The following TNS1 variants were observed in gnomAD, a reference collection of about 807,000 sequenced individuals.
TNS1 encodes the protein tensin 1.
TNS1 carries 62 observed loss-of-function variants against 168.6 expected under a neutral mutation model. That is an observed-to-expected ratio of 0.37 (90% CI 0.30 to 0.45). The LOEUF is 0.45. Among genes scored for constraint, TNS1 ranks in the 20% least tolerant of loss-of-function variants. The pLI is 1.00. For missense variants in TNS1, 2,240 were observed against 2,339.4 expected (o/e 0.96, Z 0.88); for synonymous variants, 934 against 933.2 (o/e 1.00, Z -0.02).
chr2:217,966,268 CGTGTGTGTGTGTGTGT>C (rs3838555), intron 3 of TNS1, among the ~76,000 whole-genome samples: 23 of 140,844 alleles, frequency 1.6e-4, no homozygotes, highest in African/African-American at 5.8e-4. Context: ...GAGCAGGCTG[CGTGTGTGTGTGTGTGT>C]GTGTGTGTGT....
chr2:217,887,261 G>C (rs1485765284), intron 12 of TNS1, among the ~76,000 whole-genome samples: 1 of 152,290 alleles, frequency 6.6e-6, no homozygotes, highest in Admixed American at 6.5e-5. Context: ...GAGGTAACTA[G>C]CTTCTAATAA....
chr2:218,030,437 G>C (rs1222208710), intron 1 of TNS1, among the ~76,000 whole-genome samples: 1 of 152,206 alleles, frequency 6.6e-6, no homozygotes. Context: ...TTTGCAGTCT[G>C]TTCCATCTCT....
At chr2:218,022,654 G>A (rs1049150518) in intron 1 of TNS1, among the ~76,000 whole-genome samples, 1 of 151,956 alleles carries the variant, frequency 6.6e-6, no homozygotes, top group Admixed American at 6.6e-5. Context: ...GAGATAAATG[G>A]GGGGAGGGGC....
chr2:217,879,112 G>C (rs1026815720), intron 18 of TNS1, among the ~76,000 whole-genome samples: 1 of 152,178 alleles, frequency 6.6e-6, no homozygotes, highest in Admixed American at 6.5e-5. Flanking sequence ...CACTCTGACC[G>C]TCTGCTCTTC....
chr2:217,922,342 T>C (rs148455385), intron 3 of TNS1, among the ~76,000 whole-genome samples: 2,022 of 152,022 alleles, frequency 0.013, 54 homozygotes, highest in African/African-American at 0.046. Flanking sequence ...CAGGGTGCCT[T>C]CTCCCAACCC....
Position 217,848,925 on chromosome 2 carries a change from G to C in TNS1, c.1592C>G (p.Ser531Trp), listed in dbSNP as rs759438688. ...VEHTLSVSSD[S>W]GNSTASTKTD... Reference sequence around the variant, plus strand: ...CTTGGTGGAGGCTGTGGAGTTGCCCGAGTCGCTGCTCACAGAAAGCGTGTG... The same window carrying C: ...CTTGGTGGAGGCTGTGGAGTTGCCCCAGTCGCTGCTCACAGAAAGCGTGTG... Residue 531 changes from serine to tryptophan, a missense_variant, in exon 19 of 33, where the codon TCG (serine) becomes TGG (tryptophan). This residue lies in a region of TNS1 where 2,131 missense variants were observed against 2,171.2 expected (regional missense o/e 0.98). Coordinates refer to ENST00000682258, the MANE Select transcript of TNS1 (RefSeq NM_001387777.1). 6.2e-7 allele frequency: 1 copy of C among 1,614,048 alleles called. No individual in the cohort carries two copies. Among genetic ancestry groups the C allele is most frequent in the Admixed American group, 1.7e-5 (1 of 59,996 alleles).
At chr2:218,011,693 C>T (rs1010951575), upstream of TNS1, among the ~76,000 whole-genome samples, 1 of 146,330 alleles carries the variant, frequency 6.8e-6, no homozygotes. Flanking sequence ...CCTCCGCCTG[C>T]CCCCCGCGAC....
chr2:217,854,536 T>G (rs761014550), intron 18 of TNS1, among the ~76,000 whole-genome samples: 1 of 152,086 alleles, frequency 6.6e-6, no homozygotes, highest in Non-Finnish European at 1.5e-5. Context: ...ATCAGTGCCA[T>G]GACAATAGGA....
At chr2:217,846,292 A>G (rs2125412110) in intron 19 of TNS1, among the ~76,000 whole-genome samples, 1 of 152,184 alleles carries the variant, frequency 6.6e-6, no homozygotes, top group Non-Finnish European at 1.5e-5. Flanking sequence ...GGAGCTGGGG[A>G]CTCTGCTCTG....
At chr2:217,919,090 A>G (rs1423708863) in intron 4 of TNS1, among the ~76,000 whole-genome samples, 6 of 152,198 alleles carry the variant, frequency 3.9e-5, no homozygotes, top group African/African-American at 1.4e-4. Flanking sequence ...CACCCTGAAT[A>G]GGGAGGGAGG....
At chr2:217,835,212 A>G in intron 20 of TNS1, 46 bp from the exon 21 acceptor site, 2 of 1,556,582 alleles carry the variant, frequency 1.3e-6, no homozygotes, top group Non-Finnish European at 1.8e-6. Context: ...CATGAGAAGG[A>G]GAGATTTCCC....
intron 3 of TNS1, among the ~76,000 whole-genome samples, chr2:217,930,134 G>A (rs1033216045): frequency 2.6e-5 from 4 of 152,154 alleles, no homozygotes; most frequent in East Asian, 3.9e-4. Flanking sequence ...AGAAAATTAC[G>A]TTCAGGTCCG....
intron 32 of TNS1, among the ~76,000 whole-genome samples, chr2:217,805,654 AC>A (rs1938782364): frequency 8.3e-6 from 1 of 120,742 alleles, no homozygotes; most frequent in Admixed American, 9.0e-5. Context: ...TCACACACAC[AC>A]AACACACATA....
At chr2:217,922,832 A>AC (rs1262633578) in intron 3 of TNS1, among the ~76,000 whole-genome samples, 2 of 151,860 alleles carry the variant, frequency 1.3e-5, no homozygotes, top group Non-Finnish European at 2.9e-5. Flanking sequence ...GTGGCCTGCC[A>AC]CCCCCGACGG....
At chr2:217,946,872 A>T (rs1957118512) in intron 3 of TNS1, among the ~76,000 whole-genome samples, 1 of 151,292 alleles carries the variant, frequency 6.6e-6, no homozygotes, top group African/African-American at 2.4e-5. Context: ...TTCCTCCTTA[A>T]TTCTAAGAGC....
rs746453498 is a variant in TNS1, at chr2:217,818,350, C to T, written c.3982G>A (p.Gly1328Ser). The change falls in exon 24 of 33, where the codon GGC (glycine) becomes AGC (serine). Residue 1328 changes from glycine to serine, a missense_variant. By Grantham distance (56) the Gly-to-Ser change is moderately conservative (BLOSUM62 0). Around this residue, in one of 2 missense-constraint regions of TNS1, gnomAD observed 2,131 missense variants for 2,171.2 expected, o/e 0.98. Coordinates refer to ENST00000682258, the MANE Select transcript of TNS1 (RefSeq NM_001387777.1). ...CTGGAGACAGTGCTACCATGGAAGC[C>T]AGTGCCTGGTGGACCCATCATCTGG... ...HHQMMGPPGTGFHGSTVSSPQ... is the reference protein window; with the variant it reads ...HHQMMGPPGTSFHGSTVSSPQ... The T allele has an allele frequency of 3.1e-6, 5 of 1,614,190 alleles. No individual in the cohort carries two copies. Among genetic ancestry groups the T allele is most frequent in the Admixed American group, 1.7e-5 (1 of 60,026 alleles).
intron 24 of TNS1, among the ~76,000 whole-genome samples, chr2:217,816,863 C>T (rs1250824119): frequency 1.3e-5 from 2 of 152,128 alleles, no homozygotes; most frequent in African/African-American, 4.8e-5. Context: ...AGCTGGGGCC[C>T]ATCTGAGGCT....
chr2:217,907,504 G>A (rs1029116257), intron 4 of TNS1, among the ~76,000 whole-genome samples: 4 of 152,192 alleles, frequency 2.6e-5, no homozygotes, highest in East Asian at 1.9e-4. Context: ...CTCAGTGCCC[G>A]GCGCCAGGCC....
chr2:217,927,790 C>T (rs1404672268), intron 3 of TNS1, among the ~76,000 whole-genome samples: 2 of 152,224 alleles, frequency 1.3e-5, no homozygotes, highest in East Asian at 3.9e-4. Flanking sequence ...GGCATGCCCA[C>T]AGCTCTGCCT....
Sources: allele counts gnomAD v4.1 joint callset (sites outside exome capture counted in the v4.1 genomes callset), GRCh38; gene constraint gnomAD v4.1.1; regional missense constraint gnomAD v4.1.1; transcripts MANE v1.5; gene names NCBI Gene and HGNC (gene_info 2026-07-23, HGNC 2026-07-21).